PRKN: variants seen among roughly 807,000 people sequenced by gnomAD.
The protein encoded by PRKN is parkin RBR E3 ubiquitin protein ligase.
A neutral mutation model predicts 59.5 loss-of-function variants in PRKN; 56 were observed. The observed-to-expected ratio is 0.94, with a 90% CI of 0.76 to 1.18. The LOEUF (loss-of-function observed/expected upper bound fraction) is 1.18. PRKN is among the 50% of genes most tolerant of loss of function. The pLI is 0.00. For missense variants in PRKN, 657 were observed against 596.4 expected, an observed-to-expected ratio of 1.10 and a Z score of -1.06; for synonymous variants, 250 against 222.1, an observed-to-expected ratio of 1.13 and a Z score of -1.12.
intron 7 of PRKN, among the ~76,000 whole-genome samples, chr6:161,769,244 T>A (rs1403675406): frequency 6.6e-6 from 1 of 152,334 alleles, no homozygotes; most frequent in South Asian, 2.1e-4. Flanking sequence ...CTAGAATGCA[T>A]TCTAAAACTG....
At chr6:162,104,685 C>T (rs1431984423) in intron 4 of PRKN, among the ~76,000 whole-genome samples, 2 of 152,088 alleles carry the variant, frequency 1.3e-5, no homozygotes, top group Non-Finnish European at 1.5e-5. Context: ...ACAAGCCCAC[C>T]GTGTAACACC....
chr6:162,030,743 A>G (rs1783603906), intron 5 of PRKN, among the ~76,000 whole-genome samples: 1 of 152,174 alleles, frequency 6.6e-6, no homozygotes, highest in Non-Finnish European at 1.5e-5. Flanking sequence ...CAAGGGAGCA[A>G]GGTGCTTTAA....
chr6:162,590,538 C>G (rs977180633), intron 1 of PRKN, among the ~76,000 whole-genome samples: 2 of 152,128 alleles, frequency 1.3e-5, no homozygotes, highest in Non-Finnish European at 2.9e-5. Flanking sequence ...TTGCGGCTTT[C>G]TTGCCACTTT....
At chr6:161,469,373 G>A (rs1583109325) in intron 9 of PRKN, among the ~76,000 whole-genome samples, 2 of 152,316 alleles carry the variant, frequency 1.3e-5, no homozygotes, top group East Asian at 1.9e-4. Context: ...ATACAGAACT[G>A]TGAGTCAATT....
intron 1 of PRKN, among the ~76,000 whole-genome samples, chr6:162,526,467 T>G (rs1285843790): frequency 6.6e-6 from 1 of 151,646 alleles, no homozygotes; most frequent in African/African-American, 2.4e-5. Flanking sequence ...CTGGCCAACA[T>G]AGTAAAAACC....
chr6:161,631,945 TA>T (rs931307601), intron 7 of PRKN, among the ~76,000 whole-genome samples: 1 of 152,244 alleles, frequency 6.6e-6, no homozygotes, highest in East Asian at 1.9e-4. Flanking sequence ...GAAAAACTAA[TA>T]AAAAAATGTG....
At chr6:161,653,019 G>A (rs1283630207) in intron 7 of PRKN, among the ~76,000 whole-genome samples, 1 of 152,202 alleles carries the variant, frequency 6.6e-6, no homozygotes, top group Non-Finnish European at 1.5e-5. Context: ...CGGAATCAAT[G>A]TTGACTTATC....
Position 162,262,709 on chromosome 6 carries a change from T to A in PRKN, c.228A>T (p.Lys76Asn). Residue 76 changes from lysine (K) to asparagine (N), a missense_variant, in exon 3 of 12, where the codon AAA becomes AAT. Transcript: ENST00000366898. ...IVHIVQRPWR[K>N]GQEMNATGGD... ...CTCCAGTTGCATTCATTTCTTGACC[T>A]TTTCTCCACGGTCTCTGCACAATGT... 2.5e-6 allele frequency: 4 copies of A among 1,612,052 alleles called. No homozygotes were observed. The highest frequency in any genetic ancestry group is 3.4e-6 in the Non-Finnish European group (4 of 1,179,850).
At chr6:162,164,439 C>T (rs1426916365) in intron 4 of PRKN, among the ~76,000 whole-genome samples, 1 of 148,460 alleles carries the variant, frequency 6.7e-6, no homozygotes, top group African/African-American at 2.5e-5. Context: ...CTCGAACTGC[C>T]GACCTCAGGC....
At chr6:162,372,536 C>A (rs1347941177) in intron 2 of PRKN, among the ~76,000 whole-genome samples, 1 of 151,986 alleles carries the variant, frequency 6.6e-6, no homozygotes, top group Non-Finnish European at 1.5e-5. Context: ...AATATGGCAA[C>A]AAGAGACACT....
chr6:161,890,872 A>T (rs1795317141), intron 6 of PRKN, among the ~76,000 whole-genome samples: 1 of 152,180 alleles, frequency 6.6e-6, no homozygotes, highest in Non-Finnish European at 1.5e-5. Flanking sequence ...GGGTCTTAGA[A>T]CAATCACTTC....
chr6:161,668,441 T>C (rs915214887), intron 7 of PRKN, among the ~76,000 whole-genome samples: 1 of 152,130 alleles, frequency 6.6e-6, no homozygotes, highest in African/African-American at 2.4e-5. Context: ...CAAAGCATAA[T>C]ATGAGTACAG....
intron 7 of PRKN, among the ~76,000 whole-genome samples, chr6:161,609,340 A>G (rs905331619): frequency 1.3e-5 from 2 of 152,228 alleles, no homozygotes; most frequent in African/African-American, 4.8e-5. Flanking sequence ...AGAAATTTGA[A>G]GTGATACAAA....
intron 3 of PRKN, among the ~76,000 whole-genome samples, chr6:162,220,495 A>G (rs2128080333): frequency 6.6e-6 from 1 of 152,334 alleles, no homozygotes; most frequent in Middle Eastern, 3.4e-3. Context: ...GACTAAATCA[A>G]TCAAGGGTAA....
At chr6:161,958,163 A>C (rs1271439641) in intron 6 of PRKN, among the ~76,000 whole-genome samples, 1 of 152,210 alleles carries the variant, frequency 6.6e-6, no homozygotes. Context: ...AAAATGCACA[A>C]AGAGATAAAG....
chr6:162,530,449 A>G (rs1778464362), intron 1 of PRKN, among the ~76,000 whole-genome samples: 1 of 152,164 alleles, frequency 6.6e-6, no homozygotes, highest in African/African-American at 2.4e-5. Flanking sequence ...GTTGAAAGAC[A>G]AAGAATCTGA....
chr6:162,250,507 C>T (rs966493786), intron 3 of PRKN, among the ~76,000 whole-genome samples: 7 of 152,190 alleles, frequency 4.6e-5, no homozygotes, highest in Non-Finnish European at 1.0e-4. Flanking sequence ...TAATGAGTAA[C>T]CATCCCCCAG....
At chr6:161,638,738 ATTTTTT>A (rs386409169) in intron 7 of PRKN, among the ~76,000 whole-genome samples, 1 of 100,182 alleles carries the variant, frequency 1.0e-5, no homozygotes, top group Non-Finnish European at 1.8e-5. Flanking sequence ...ACGAGATCTG[ATTTTTT>A]TTTTTTTTTT....
At chr6:162,621,161 G>A (rs916039093) in intron 1 of PRKN, among the ~76,000 whole-genome samples, 3 of 152,244 alleles carry the variant, frequency 2.0e-5, no homozygotes, top group Middle Eastern at 3.4e-3. Context: ...GATGCCTATG[G>A]TAAATTGAGA....
Sources: allele counts gnomAD v4.1 joint callset (sites outside exome capture counted in the v4.1 genomes callset), GRCh38; gene constraint gnomAD v4.1.1; transcripts MANE v1.5; gene names NCBI Gene and HGNC (gene_info 2026-07-23, HGNC 2026-07-21).